The following DYNC2H1 variants were observed in gnomAD, a reference collection of about 807,000 sequenced individuals.
DYNC2H1 encodes cytoplasmic dynein 2 heavy chain 1.
Under a neutral mutation model 570.0 loss-of-function variants are expected in DYNC2H1, and 410 were observed. The ratio of observed to expected loss-of-function variants is 0.72; its 90% CI spans 0.66 to 0.78. The LOEUF (loss-of-function observed/expected upper bound fraction) is 0.78, where lower values mean the gene tolerates loss of function less well. Ranked by LOEUF, DYNC2H1 falls within the 30% of genes least tolerant of loss-of-function variation. The pLI is 0.00. For missense variants in DYNC2H1, 4,865 were observed against 5,046.4 expected, an observed-to-expected ratio of 0.96 and a Z score of 1.09; for synonymous variants, 1,688 against 1,677.6, an observed-to-expected ratio of 1.01 and a Z score of -0.15.
intron 83 of DYNC2H1, among the ~76,000 whole-genome samples, chr11:103,366,560 C>T (rs925123021): frequency 6.6e-6 from 1 of 151,532 alleles, no homozygotes; most frequent in African/African-American, 2.4e-5. Flanking sequence ...ATATTTTTAC[C>T]ATTCATTCTT....
intron 75 of DYNC2H1, among the ~76,000 whole-genome samples, chr11:103,288,084 G>A (rs371914161): frequency 2.0e-5 from 3 of 152,152 alleles, no homozygotes; most frequent in East Asian, 3.9e-4. Context: ...TGGGATCACA[G>A]AAATGGTTAG....
At chr11:103,155,678 C>T (rs772660525) in intron 25 of DYNC2H1, among the ~76,000 whole-genome samples, 177 bp downstream of exon 25, 56 of 152,040 alleles carry the variant, frequency 3.7e-4, no homozygotes, top group Non-Finnish European at 7.4e-4. Context: ...TGATATGTTA[C>T]ACATAAAAGC....
At chr11:103,128,806 A>T in intron 12 of DYNC2H1, 104 bp from the exon 13 acceptor site, 1 of 1,016,058 alleles carries the variant, frequency 9.8e-7, no homozygotes, top group Non-Finnish European at 1.4e-6. Flanking sequence ...TTTTCTGTTT[A>T]AATTTTAGGA....
chr11:103,442,045 T>C (rs1944289887), intron 85 of DYNC2H1, among the ~76,000 whole-genome samples: 2 of 152,128 alleles, frequency 1.3e-5, no homozygotes, highest in South Asian at 4.1e-4. Flanking sequence ...GTTGAAAAAG[T>C]CTATATGTGG....
At chr11:103,352,460 A>G (rs576655887) in intron 82 of DYNC2H1, among the ~76,000 whole-genome samples, 1 of 152,288 alleles carries the variant, frequency 6.6e-6, no homozygotes, top group Non-Finnish European at 1.5e-5. Context: ...TTAAATTTTT[A>G]TTAAAATTAC....
rs200366681 is a variant in DYNC2H1 at position 103,439,735 on chromosome 11, T to TA, written c.12456+3713dup. 1.1e-3 allele frequency among the ~76,000 whole-genome samples: 162 copies of TA among 150,164 alleles called. 1 individual carries two copies. The highest frequency in any genetic ancestry group is 3.5e-3 in the African/African-American group (143 of 41,026). ...GTAAGATCCTTTAGAGCAAAGATCT[T>TA]AAAAAAAAAATTCCACTATATTTCC... is the stretch of plus-strand genomic sequence containing the variant. On this transcript the variant is annotated intron_variant, in intron 85 of 88. Coordinates refer to ENST00000375735, the MANE Select transcript of DYNC2H1 (RefSeq NM_001377.3). This position sits in a 1 kb window ranked among gnomAD's most constrained non-coding sequence, Gnocchi z 4.1.
intron 18 of DYNC2H1, among the ~76,000 whole-genome samples, chr11:103,146,789 G>GACAGGGGTCTC (rs1860263143): frequency 6.6e-6 from 1 of 151,992 alleles, no homozygotes; most frequent in Admixed American, 6.6e-5. Context: ...TTTTAGTAGA[G>GACAGGGGTCTC]ACAGGGGTCT....
intron 38 of DYNC2H1, among the ~76,000 whole-genome samples, chr11:103,178,139 A>T (rs898037298): frequency 1.3e-5 from 2 of 152,254 alleles, no homozygotes; most frequent in South Asian, 4.1e-4. Flanking sequence ...AAACAAGATG[A>T]CAGATTTTTG....
chr11:103,225,174 G>A (rs1260833849), intron 59 of DYNC2H1, among the ~76,000 whole-genome samples: 2 of 144,874 alleles, frequency 1.4e-5, no homozygotes, highest in African/African-American at 5.0e-5. Flanking sequence ...TGTATAGATT[G>A]TGAAGATTTT....
In DYNC2H1 at chr11:103,215,770, A is replaced by G; in HGVS notation, c.8744A>G (p.Asn2915Ser). The G allele has an allele frequency of 6.2e-7, 1 of 1,611,952 alleles. No individual in the cohort carries two copies. Among genetic ancestry groups the G allele is most frequent in the Non-Finnish European group, 8.5e-7 (1 of 1,178,858 alleles). ...NEAKALVDEL[N>S]RKAGEQSVLL... ...GCTAAAGCTCTTGTGGATGAACTGA[A>G]CAGAAAAGCTGGAGAACAAAGTGTG... is the stretch of plus-strand genomic sequence containing the variant. The change falls in exon 55 of 89, where the codon AAC becomes AGC. Residue 2915 changes from asparagine (N) to serine (S), a missense_variant. Physicochemically the swap from Asn to Ser is conservative, Grantham distance 46. Transcript: ENST00000375735.
At position 103,201,262 on chromosome 11, in the gene DYNC2H1, A is replaced by C. The variant is rs1394965513; in HGVS notation, c.8197+1108A>C. Among the ~76,000 whole-genome samples the C allele has an allele frequency of 6.6e-6, 1 of 152,194 alleles. No homozygotes were observed. Among genetic ancestry groups the C allele is most frequent in the Admixed American group, 6.5e-5 (1 of 15,274 alleles). On this transcript the variant is annotated intron_variant, in intron 50 of 88. Coordinates refer to ENST00000375735, the MANE Select transcript of DYNC2H1 (RefSeq NM_001377.3). This position sits in a 1 kb window ranked among gnomAD's most constrained non-coding sequence, Gnocchi z 4.8. ...ATCTTAATACAAATACTCTCTAGAA[A>C]TTTATGGCTAAGTGGGCTCTCTATG...
At chr11:103,224,679 TTTGCCA>T (rs1169109922) in intron 59 of DYNC2H1, among the ~76,000 whole-genome samples, 2 of 152,226 alleles carry the variant, frequency 1.3e-5, no homozygotes, top group Non-Finnish European at 2.9e-5. Flanking sequence ...GTTCCATATT[TTTGCCA>T]TTGCAATTTG....
At chr11:103,132,822 G>C (rs972753951) in intron 13 of DYNC2H1, among the ~76,000 whole-genome samples, 1 of 151,840 alleles carries the variant, frequency 6.6e-6, no homozygotes, top group African/African-American at 2.4e-5. Flanking sequence ...GAGGCACCTT[G>C]TTGCCTCCAA....
intron 11 of DYNC2H1, among the ~76,000 whole-genome samples, chr11:103,123,733 C>A (rs912577324): frequency 6.6e-6 from 1 of 152,158 alleles, no homozygotes; most frequent in Non-Finnish European, 1.5e-5. Context: ...TGGTAGCATA[C>A]CAACGGTCTG....
intron 47 of DYNC2H1, among the ~76,000 whole-genome samples, chr11:103,197,269 TAGAA>T (rs1463299556): frequency 3.9e-5 from 6 of 151,924 alleles, no homozygotes; most frequent in Admixed American, 3.9e-4. Flanking sequence ...GATTCTGAAA[TAGAA>T]GGAGGAAAAT....
At chr11:103,373,342 T>A (rs903436081) in intron 83 of DYNC2H1, among the ~76,000 whole-genome samples, 1 of 152,218 alleles carries the variant, frequency 6.6e-6, no homozygotes, top group Non-Finnish European at 1.5e-5. Context: ...AAAAGTCTCT[T>A]ATGATACTTT....
chr11:103,451,254 G>A (rs10895430), intron 85 of DYNC2H1, among the ~76,000 whole-genome samples: 27,639 of 149,802 alleles, frequency 0.18, 2,751 homozygotes, highest in East Asian at 0.26. Flanking sequence ...GAATGAGCAA[G>A]CCATGTATAA....
chr11:103,116,931 T>C (rs896032151), intron 5 of DYNC2H1, among the ~76,000 whole-genome samples: 7 of 151,654 alleles, frequency 4.6e-5, no homozygotes, highest in African/African-American at 1.7e-4. Context: ...CAAATTTACA[T>C]AGATTTTTAG....
rs181546746 is a variant in DYNC2H1, at chr11:103,151,033, G to A, written c.2947-1103G>A. ...GTATTATATAATTCTCTTTTGGTAT[G>A]TCTATTTGTTGGTATGTGGATTTGA... On this transcript the variant is annotated intron_variant, in intron 20 of 88. Coordinates refer to ENST00000375735, the MANE Select transcript of DYNC2H1 (RefSeq NM_001377.3). The surrounding 1 kb of genome is among the most constrained non-coding windows in gnomAD (Gnocchi z 4.6). Among the ~76,000 whole-genome samples the A allele has an allele frequency of 3.9e-4, 60 of 152,226 alleles. No homozygotes were observed. Among genetic ancestry groups the A allele is most frequent in the African/African-American group, 9.4e-4 (39 of 41,544 alleles).
Sources: allele counts gnomAD v4.1 joint callset (sites outside exome capture counted in the v4.1 genomes callset), GRCh38; gene constraint gnomAD v4.1.1; non-coding constraint Gnocchi (gnomAD v3.1); transcripts MANE v1.5; gene names NCBI Gene and HGNC (gene_info 2026-07-23, HGNC 2026-07-21).